CLCN5: variants seen among roughly 807,000 people sequenced by gnomAD.
CLCN5 encodes the protein H(+)/Cl(-) exchange transporter 5.
A neutral mutation model predicts 54.0 loss-of-function variants in CLCN5; 17 were observed. The ratio of observed to expected loss-of-function variants is 0.31; its 90% CI spans 0.22 to 0.47. The LOEUF is 0.47. Among genes scored for constraint, CLCN5 ranks in the 20% least tolerant of loss-of-function variants. The pLI is 1.00. For missense variants in CLCN5, 448 were observed against 646.7 expected (o/e 0.69, Z 3.33); for synonymous variants, 222 against 233.0 (o/e 0.95, Z 0.43).
chrX:50,001,973 C>T (rs1557180396), intron 3 of CLCN5, among the ~76,000 whole-genome samples: 2 of 110,578 alleles, frequency 1.8e-5, no homozygotes. Flanking sequence ...TACCTGCTTT[C>T]CAGGATTCCA....
chrX:50,062,074 C>T (rs1288604204), intron 4 of CLCN5, among the ~76,000 whole-genome samples: 6 of 106,967 alleles, frequency 5.6e-5, no homozygotes, highest in Admixed American at 3.0e-4. Flanking sequence ...TAAAGACCAT[C>T]GAGACTAGGA....
At chrX:49,958,190 T>C (rs1361368430) in intron 3 of CLCN5, among the ~76,000 whole-genome samples, 4 of 112,028 alleles carry the variant, frequency 3.6e-5, no homozygotes, top group Non-Finnish European at 7.5e-5. Flanking sequence ...TATATTATTT[T>C]ACAAATGTCA....
chrX:50,064,448 T>C (rs1713109519), intron 4 of CLCN5, among the ~76,000 whole-genome samples: 1 of 79,630 alleles, frequency 1.3e-5, no homozygotes, highest in South Asian at 8.0e-4. Flanking sequence ...GAATCCAACT[T>C]ACAAGGGATG....
rs1934214533 is a variant in CLCN5, at chrX:50,095,008, A to G, written c.*2789A>G. 1 of 112,625 alleles carries G rather than the reference A, an allele frequency of 8.9e-6. No homozygotes were observed. Among genetic ancestry groups the G allele is most frequent in the Non-Finnish European group, 1.9e-5 (1 of 53,305 alleles). 9.3% of individuals were successfully genotyped at this position (112,625 alleles called of 1,213,427 possible). ...ATAGGGAGGACTGTCAGTAGCATCA[A>G]ATGGCCACATACCTCAATGGCAAAA... On this transcript the variant is annotated 3_prime_UTR_variant, in exon 15 of 15. Transcript: ENST00000376091.
intron 4 of CLCN5, among the ~76,000 whole-genome samples, chrX:50,066,232 GC>G (rs1365832537): frequency 2.1e-5 from 2 of 97,560 alleles, no homozygotes; most frequent in African/African-American, 9.2e-5. Context: ...TCACAGTTGG[GC>G]CACAAATGGC....
intron 3 of CLCN5, among the ~76,000 whole-genome samples, chrX:49,970,768 T>C (rs935291354): frequency 2.7e-5 from 3 of 111,851 alleles, no homozygotes; most frequent in Non-Finnish European, 5.6e-5. Flanking sequence ...TTCTCTTGGC[T>C]ATATACCTAG....
At chrX:49,971,772 C>G (rs909321093) in intron 3 of CLCN5, among the ~76,000 whole-genome samples, 2 of 111,967 alleles carry the variant, frequency 1.8e-5, no homozygotes, top group Non-Finnish European at 3.8e-5. Context: ...ACCTGCTCTA[C>G]TGTTCGTGCT....
At chrX:49,956,563 C>T (rs959126120) in intron 3 of CLCN5, among the ~76,000 whole-genome samples, 4 of 111,665 alleles carry the variant, frequency 3.6e-5, no homozygotes, top group African/African-American at 1.3e-4. Context: ...TGAAACCTGT[C>T]TCTGTTATCT....
At chrX:50,063,494 A>C (rs12009519) in intron 4 of CLCN5, among the ~76,000 whole-genome samples, 5,895 of 102,854 alleles carry the variant, frequency 0.057, 874 homozygotes, top group African/African-American at 0.25. Context: ...CAATAACAGG[A>C]GCTGAAATTG....
intron 3 of CLCN5, among the ~76,000 whole-genome samples, chrX:50,030,542 C>T (rs782193106): frequency 1.8e-5 from 2 of 111,583 alleles, no homozygotes; most frequent in South Asian, 3.8e-4. Flanking sequence ...CATTTTTGTC[C>T]TTTTAAAGCT....
At chrX:50,057,775 A>G (rs1932787453) in intron 4 of CLCN5, among the ~76,000 whole-genome samples, 1 of 108,667 alleles carries the variant, frequency 9.2e-6, no homozygotes, top group Non-Finnish European at 1.9e-5. Context: ...AACAAAATAG[A>G]AGCAAAATGA....
Position 50,099,182 on chromosome X carries a change from C to A in CLCN5, c.*6963C>A, listed in dbSNP as rs190935783. The A allele has an allele frequency of 8.9e-6, 1 of 112,524 alleles. No homozygotes were observed. Among genetic ancestry groups the A allele is most frequent in the Non-Finnish European group, 1.9e-5 (1 of 53,239 alleles). The allele number at this position is 112,524 out of a possible 1,213,427, so 9.3% of individuals were successfully genotyped here. On this transcript the variant is annotated 3_prime_UTR_variant, in exon 15 of 15. Transcript: ENST00000376091. ...GTCGCCATTGCTTTATACATTTTCA[C>A]TTAGCACAGATTTGTAATTATGCAT... is the stretch of plus-strand genomic sequence containing the variant.
intron 3 of CLCN5, among the ~76,000 whole-genome samples, chrX:49,938,417 T>C (rs1194698586): frequency 1.8e-5 from 2 of 111,439 alleles, no homozygotes; most frequent in Non-Finnish European, 3.8e-5. Context: ...ACCAAAACAG[T>C]ATGGTACTGG....
intron 3 of CLCN5, among the ~76,000 whole-genome samples, chrX:49,978,353 A>C (rs1928579467): frequency 2.7e-5 from 3 of 112,256 alleles, no homozygotes; most frequent in African/African-American, 9.7e-5. Context: ...GAAATTACTT[A>C]ACTGCTCTGA....
At chrX:50,053,828 G>A (rs1049102377) in intron 4 of CLCN5, among the ~76,000 whole-genome samples, 1 of 111,126 alleles carries the variant, frequency 9.0e-6, no homozygotes, top group Non-Finnish European at 1.9e-5. Context: ...CTATTTTTCT[G>A]TTATTGGCTT....
chrX:50,006,384 A>T (rs982296330), intron 3 of CLCN5, among the ~76,000 whole-genome samples: 2 of 112,114 alleles, frequency 1.8e-5, no homozygotes, highest in Middle Eastern at 4.6e-3. Flanking sequence ...TAGGACTCAC[A>T]GATGGTATGT....
intron 3 of CLCN5, among the ~76,000 whole-genome samples, chrX:49,986,711 A>G (rs782549187): frequency 5.0e-4 from 56 of 112,058 alleles, no homozygotes; most frequent in Non-Finnish European, 8.8e-4. Flanking sequence ...TTATTGAAGA[A>G]AATTCTTAGG....
chrX:50,042,462 G>A lies in CLCN5; in HGVS notation c.163G>A (p.Glu55Lys). 1 of 1,031,734 alleles carries A rather than the reference G, an allele frequency of 9.7e-7. No individual in the cohort carries two copies. Among genetic ancestry groups the A allele is most frequent in the Non-Finnish European group, 1.3e-6 (1 of 784,850 alleles). The allele number at this position is 1,031,734 out of a possible 1,213,427, so 85.0% of individuals were successfully genotyped here. A position where few individuals can be genotyped will look rare whatever the true frequency, so the allele number is the denominator to read the frequency against. ...TCCTCCCTTAGACCGAGAAGTAGGAGGTATCATTATTGGTGATGATAATTT... is the reference window on the plus strand; with the variant it reads ...TCCTCCCTTAGACCGAGAAGTAGGAAGTATCATTATTGGTGATGATAATTT... The part of the protein sequence containing the change: ...DVPPLDREVG[E>K]DKSYNGGGIG... The change falls in exon 4 of 15, where the codon GAG (glutamate) becomes AAG (lysine). Residue 55 changes from glutamate (E) to lysine (K), a missense_variant and splice_region_variant. Physicochemically the swap from Glu to Lys is moderately conservative, Grantham distance 56. Transcript: ENST00000376091.
At chrX:50,012,143 A>G (rs1361322912) in intron 3 of CLCN5, among the ~76,000 whole-genome samples, 1 of 111,420 alleles carries the variant, frequency 9.0e-6, no homozygotes, top group African/African-American at 3.3e-5. Context: ...TTGTTCATGC[A>G]TACGTATGTA....
Sources: gnomAD v4.1 joint callset for allele counts (sites outside exome capture counted in the v4.1 genomes callset) on GRCh38, gnomAD v4.1.1 for gene constraint, MANE v1.5 for transcripts, NCBI Gene and HGNC (gene_info 2026-07-23, HGNC 2026-07-21) for gene names.